Variants in DYNC1I2 observed in about 807,000 individuals in gnomAD.
The protein encoded by DYNC1I2 is cytoplasmic dynein 1 intermediate chain 2.
A neutral mutation model predicts 88.6 loss-of-function variants in DYNC1I2; 53 were observed. The observed-to-expected ratio is 0.60, with a 90% CI of 0.48 to 0.75. DYNC1I2 has a LOEUF of 0.75. Ranked by LOEUF, DYNC1I2 falls within the 30% of genes least tolerant of loss-of-function variation. DYNC1I2 has a pLI of 0.00. For synonymous variants in DYNC1I2, 198 were observed against 254.6 expected, an observed-to-expected ratio of 0.78 and a Z score of 2.12; for missense variants, 458 against 766.6, an observed-to-expected ratio of 0.60 and a Z score of 4.75.
chr2:171,705,997 T>G (rs1295995007), intron 3 of DYNC1I2, among the ~76,000 whole-genome samples: 1 of 152,082 alleles, frequency 6.6e-6, no homozygotes, highest in Non-Finnish European at 1.5e-5. Context: ...TTTATACTTA[T>G]GTTTAAGATG....
At chr2:171,727,051 C>A in intron 11 of DYNC1I2, 135 bp downstream of exon 11, 2 of 986,748 alleles carry the variant, frequency 2.0e-6, no homozygotes, top group South Asian at 2.0e-5. Flanking sequence ...TCCATATTTG[C>A]AAACAGATGT....
chr2:171,714,824 T>C (rs1376022549), intron 6 of DYNC1I2, among the ~76,000 whole-genome samples: 1 of 152,178 alleles, frequency 6.6e-6, no homozygotes, highest in Non-Finnish European at 1.5e-5. Flanking sequence ...AAATTGATAG[T>C]GTAATTCTCA....
At chr2:171,697,202 A>G (rs972045391) in intron 3 of DYNC1I2, among the ~76,000 whole-genome samples, 1 of 151,282 alleles carries the variant, frequency 6.6e-6, no homozygotes, top group Non-Finnish European at 1.5e-5. Context: ...GTTTTTTTTT[A>G]TAGAGATGGG....
chr2:171,711,293 G>A (rs1160608911), intron 5 of DYNC1I2, among the ~76,000 whole-genome samples: 1 of 152,056 alleles, frequency 6.6e-6, no homozygotes, highest in Admixed American at 6.5e-5. Flanking sequence ...GTGAGCCACC[G>A]TGCCTGGCCC....
At chr2:171,703,182 G>T (rs1686402999) in intron 3 of DYNC1I2, among the ~76,000 whole-genome samples, 1 of 152,140 alleles carries the variant, frequency 6.6e-6, no homozygotes, top group Non-Finnish European at 1.5e-5. Context: ...CTTACCGCCT[G>T]GTAAGGGCGA....
At chr2:171,736,234 C>T (rs1432815164) in intron 15 of DYNC1I2, among the ~76,000 whole-genome samples, 1 of 152,178 alleles carries the variant, frequency 6.6e-6, no homozygotes, top group Non-Finnish European at 1.5e-5. Flanking sequence ...CAGCATTTGC[C>T]TCAGTAACTT....
chr2:171,726,182 C>A lies in DYNC1I2; in HGVS notation c.771-12C>A. On this transcript the variant is annotated splice_polypyrimidine_tract_variant and intron_variant, in intron 9 of 17. Transcript: ENST00000397119. The stretch of plus-strand genomic sequence containing the variant: ...ACACCATCTTTTTGGGGGGTTTGGT[C>A]TTTTTTTGTAGAGAGATTCAAGCAG... 1 of 1,600,534 alleles carries A rather than the reference C, an allele frequency of 6.2e-7. No individual in the cohort carries two copies. The highest frequency in any genetic ancestry group is 1.1e-5 in the South Asian group (1 of 87,718).
intron 5 of DYNC1I2, 88 bp from the exon 6 acceptor site, chr2:171,712,679 T>G (rs1238771097): frequency 4.3e-6 from 4 of 930,310 alleles, no homozygotes; most frequent in Admixed American, 2.2e-5. Context: ...GAATAGTACT[T>G]TAGCTTTAGC....
At chr2:171,691,429 T>C (rs921089181) in intron 2 of DYNC1I2, among the ~76,000 whole-genome samples, 1 of 152,178 alleles carries the variant, frequency 6.6e-6, no homozygotes, top group Non-Finnish European at 1.5e-5. Flanking sequence ...AGTTTTTATA[T>C]GTGGTAGCCT....
At chr2:171,736,756 A>G (rs1219073209) in intron 15 of DYNC1I2, among the ~76,000 whole-genome samples, 1 of 152,202 alleles carries the variant, frequency 6.6e-6, no homozygotes, top group Non-Finnish European at 1.5e-5. Context: ...GTCAAGTTAT[A>G]TAGAAAGATA....
chr2:171,704,635 T>C (rs1389035960), intron 3 of DYNC1I2, among the ~76,000 whole-genome samples: 1 of 152,194 alleles, frequency 6.6e-6, no homozygotes, highest in Non-Finnish European at 1.5e-5. Context: ...AAACTGTCTT[T>C]AAAAATGAAT....
At chr2:171,688,043 C>G (rs936327442) in intron 1 of DYNC1I2, 5 of 152,298 alleles carry the variant, frequency 3.3e-5, no homozygotes, top group African/African-American at 7.2e-5. Context: ...GGAGTCCACT[C>G]CTTTCCCTTC....
rs1465513568 is a variant in DYNC1I2 at position 171,744,288 on chromosome 2, G to A, written c.1677+99G>A. On this transcript the variant is annotated intron_variant, in intron 16 of 17. Transcript: ENST00000397119. ...CTTTTTTTCCAAAGAATGTAAAAGG[G>A]TTCTGTGATTGTAGATTCATCACAA... 2.4e-6 allele frequency: 3 copies of A among 1,268,146 alleles called. No homozygotes were observed. The East Asian group carries it at 7.7e-5, about 33-fold the overall frequency. 78.6% of individuals were successfully genotyped at this position (1,268,146 alleles called of 1,614,324 possible). A position where few individuals can be genotyped will look rare whatever the true frequency, so the allele number is the denominator to read the frequency against.
intron 5 of DYNC1I2, among the ~76,000 whole-genome samples, chr2:171,707,839 TAATG>T (rs1465169887): frequency 6.6e-6 from 1 of 152,156 alleles, no homozygotes. Flanking sequence ...TAGAGAATAA[TAATG>T]CATAAAATGT....
chr2:171,740,321 C>T (rs567107339), intron 15 of DYNC1I2, among the ~76,000 whole-genome samples: 1 of 152,254 alleles, frequency 6.6e-6, no homozygotes, highest in Non-Finnish European at 1.5e-5. Context: ...GCAGAAGGTG[C>T]CCACAGGTGC....
chr2:171,722,438 A>T (rs1272258103), intron 7 of DYNC1I2, among the ~76,000 whole-genome samples: 2 of 152,168 alleles, frequency 1.3e-5, no homozygotes, highest in Non-Finnish European at 2.9e-5. Flanking sequence ...TAACCACTTT[A>T]GCATATTGTA....
chr2:171,695,581 C>T (rs1559363438), intron 3 of DYNC1I2, among the ~76,000 whole-genome samples: 1 of 151,922 alleles, frequency 6.6e-6, no homozygotes, highest in Non-Finnish European at 1.5e-5. Flanking sequence ...TATTATGTAC[C>T]ACATTTTACT....
At chr2:171,698,163 A>T (rs888023003) in intron 3 of DYNC1I2, among the ~76,000 whole-genome samples, 1 of 152,186 alleles carries the variant, frequency 6.6e-6, no homozygotes, top group African/African-American at 2.4e-5. Context: ...GATGATCCTC[A>T]TCTAAGTTAT....
intron 7 of DYNC1I2, among the ~76,000 whole-genome samples, chr2:171,719,586 G>A (rs1687764897): frequency 6.6e-6 from 1 of 152,128 alleles, no homozygotes; most frequent in Non-Finnish European, 1.5e-5. Flanking sequence ...TCTGTAGGCA[G>A]TAAAATCCAT....
Sources: allele counts gnomAD v4.1 joint callset (sites outside exome capture counted in the v4.1 genomes callset), GRCh38; gene constraint gnomAD v4.1.1; transcripts MANE v1.5; gene names NCBI Gene and HGNC (gene_info 2026-07-23, HGNC 2026-07-21).